AGBL4: variants seen among roughly 807,000 people sequenced by gnomAD.
The protein encoded by AGBL4 is cytosolic carboxypeptidase 6.
A neutral mutation model predicts 66.4 loss-of-function variants in AGBL4; 58 were observed. That is an observed-to-expected ratio of 0.87 (90% CI 0.71 to 1.09). The LOEUF (loss-of-function observed/expected upper bound fraction) is 1.09, where lower values mean the gene tolerates loss of function less well. Ranked by LOEUF, AGBL4 falls within the 50% of genes least tolerant of loss-of-function variation. The probability of loss-of-function intolerance (pLI) is 0.00; values close to 1 mark genes in which losing one functional copy is unlikely to be tolerated. For synonymous variants in AGBL4, 234 were observed against 222.9 expected, an observed-to-expected ratio of 1.05 and a Z score of -0.44; for missense variants, 579 against 631.0, an observed-to-expected ratio of 0.92 and a Z score of 0.88.
chr1:49,114,689 A>G (rs1645479890), intron 4 of AGBL4, among the ~76,000 whole-genome samples: 1 of 152,150 alleles, frequency 6.6e-6, no homozygotes, highest in African/African-American at 2.4e-5. Context: ...TTGAACACTC[A>G]GAGACCACTG....
At chr1:49,439,877 T>C (rs1371966032) in intron 3 of AGBL4, among the ~76,000 whole-genome samples, 1 of 152,144 alleles carries the variant, frequency 6.6e-6, no homozygotes, top group Non-Finnish European at 1.5e-5. Flanking sequence ...CTTAATGAAA[T>C]ACACTTTTCA....
chr1:49,407,907 A>G (rs1043816660), intron 3 of AGBL4, among the ~76,000 whole-genome samples: 2 of 152,248 alleles, frequency 1.3e-5, no homozygotes, highest in African/African-American at 4.8e-5. Context: ...GTATTTAAAT[A>G]TAGCCAACAA....
At chr1:49,483,815 AC>A (rs1172675228) in intron 3 of AGBL4, among the ~76,000 whole-genome samples, 2 of 152,014 alleles carry the variant, frequency 1.3e-5, no homozygotes, top group East Asian at 3.9e-4. Flanking sequence ...TGAAGAGACA[AC>A]CCATAGAATG....
chr1:49,458,331 T>G (rs1219322295), intron 3 of AGBL4, among the ~76,000 whole-genome samples: 1 of 151,720 alleles, frequency 6.6e-6, no homozygotes, highest in Non-Finnish European at 1.5e-5. Flanking sequence ...AGGGGTTGAA[T>G]TTTTAATTTA....
At chr1:49,190,274 G>A (rs1647091752) in intron 4 of AGBL4, among the ~76,000 whole-genome samples, 1 of 152,184 alleles carries the variant, frequency 6.6e-6, no homozygotes, top group African/African-American at 2.4e-5. Flanking sequence ...TTGAAATGCA[G>A]GTCTCACAAA....
chr1:49,886,937 A>G (rs1273857410), intron 1 of AGBL4, among the ~76,000 whole-genome samples: 1 of 151,966 alleles, frequency 6.6e-6, no homozygotes, highest in Non-Finnish European at 1.5e-5. Flanking sequence ...TTCCAGCACA[A>G]TGTTCTCCAA....
At chr1:49,186,240 C>T (rs977232564) in intron 4 of AGBL4, among the ~76,000 whole-genome samples, 2 of 152,164 alleles carry the variant, frequency 1.3e-5, no homozygotes, top group Non-Finnish European at 2.9e-5. Flanking sequence ...CTAGAATACA[C>T]CCCATTCAGC....
At position 49,645,767 on chromosome 1, in the gene AGBL4, C is replaced by CA. The variant is rs761674336; in HGVS notation, c.282+51545dup. Reference sequence around the variant, plus strand: ...CCAATACCCCTCAGGAACATAGATGCAAAAAAAAAAAAAAAGAATGTTTAT... The same window carrying CA: ...CCAATACCCCTCAGGAACATAGATGCAAAAAAAAAAAAAAAAGAATGTTTAT... On this transcript the variant is annotated intron_variant, in intron 3 of 13. Coordinates refer to ENST00000371839, the MANE Select transcript of AGBL4 (RefSeq NM_032785.4). 8.7e-3 allele frequency among the ~76,000 whole-genome samples: 582 copies of CA among 67,080 alleles called. 2 individuals are homozygous for CA. The highest frequency in any genetic ancestry group is 0.015 in the African/African-American group (265 of 17,344). The allele number at this position is 67,080 out of a possible 152,430, so 44.0% of individuals were successfully genotyped here.
chr1:49,363,943 A>G (rs966304893), intron 3 of AGBL4, among the ~76,000 whole-genome samples: 1 of 152,194 alleles, frequency 6.6e-6, no homozygotes, highest in Non-Finnish European at 1.5e-5. Flanking sequence ...GGAAAAACAC[A>G]GGGGGGCTGT....
chr1:49,185,900 C>T (rs932689592), intron 4 of AGBL4, among the ~76,000 whole-genome samples: 1 of 152,114 alleles, frequency 6.6e-6, no homozygotes, highest in Admixed American at 6.6e-5. Context: ...CAATGCCAGG[C>T]AATGCCCAGG....
intron 3 of AGBL4, among the ~76,000 whole-genome samples, chr1:49,386,561 T>C (rs1052075266): frequency 1.3e-4 from 20 of 151,946 alleles, no homozygotes; most frequent in African/African-American, 4.3e-4. Flanking sequence ...GGAAGATTAG[T>C]GTTAATTTTT....
At chr1:49,059,154 G>A (rs961964405) in intron 4 of AGBL4, among the ~76,000 whole-genome samples, 1 of 152,150 alleles carries the variant, frequency 6.6e-6, no homozygotes, top group Non-Finnish European at 1.5e-5. Context: ...CTTATCACAG[G>A]CCCAGAGGCC....
intron 9 of AGBL4, among the ~76,000 whole-genome samples, chr1:48,625,835 A>G (rs1389032185): frequency 6.6e-6 from 1 of 152,098 alleles, no homozygotes. Flanking sequence ...ATCCATCTCT[A>G]CCCTGCTTTC....
At chr1:49,131,698 G>A (rs1383068093) in intron 4 of AGBL4, among the ~76,000 whole-genome samples, 1 of 152,026 alleles carries the variant, frequency 6.6e-6, no homozygotes, top group Non-Finnish European at 1.5e-5. Context: ...GAGATATTTA[G>A]GAAGCATGAG....
intron 6 of AGBL4, among the ~76,000 whole-genome samples, chr1:48,767,875 C>T (rs1487150335): frequency 2.6e-5 from 4 of 152,206 alleles, no homozygotes; most frequent in African/African-American, 7.2e-5. Context: ...CTAGCTACTA[C>T]AATGTCAGCT....
intron 3 of AGBL4, among the ~76,000 whole-genome samples, chr1:49,431,819 G>T (rs1014499915): frequency 2.0e-5 from 3 of 152,006 alleles, no homozygotes; most frequent in Non-Finnish European, 2.9e-5. Context: ...GTAGGATAAA[G>T]AATAAGATAA....
chr1:49,360,982 A>C (rs771781022), intron 3 of AGBL4, among the ~76,000 whole-genome samples: 5 of 151,794 alleles, frequency 3.3e-5, no homozygotes, highest in Non-Finnish European at 7.4e-5. Flanking sequence ...ATTTTTAATA[A>C]AGAAAGAGTT....
At chr1:48,920,927 C>T (rs1052694394) in intron 5 of AGBL4, among the ~76,000 whole-genome samples, 2 of 152,218 alleles carry the variant, frequency 1.3e-5, no homozygotes, top group African/African-American at 2.4e-5. Context: ...AAAATCTTCC[C>T]ACTGTTTGCC....
At chr1:49,842,011 T>G (rs944608813) in intron 2 of AGBL4, among the ~76,000 whole-genome samples, 1 of 151,956 alleles carries the variant, frequency 6.6e-6, no homozygotes, top group Non-Finnish European at 1.5e-5. Flanking sequence ...GGCCTCCTCT[T>G]TGCACCCAGC....
Sources: allele counts gnomAD v4.1 joint callset (sites outside exome capture counted in the v4.1 genomes callset), GRCh38; gene constraint gnomAD v4.1.1; transcripts MANE v1.5; gene names NCBI Gene and HGNC (gene_info 2026-07-23, HGNC 2026-07-21).